PTPRC: variants seen among roughly 807,000 people sequenced by gnomAD.
The protein encoded by PTPRC is protein tyrosine phosphatase receptor type C.
Under a neutral mutation model 155.9 loss-of-function variants are expected in PTPRC, and 44 were observed. That is an observed-to-expected ratio of 0.28 (90% CI 0.22 to 0.36). The LOEUF is 0.36. Ranked by LOEUF, PTPRC falls within the 10% of genes least tolerant of loss-of-function variation. The pLI, the probability that PTPRC is intolerant of heterozygous loss-of-function variation, is 1.00. For synonymous variants in PTPRC, 525 were observed against 533.1 expected, an observed-to-expected ratio of 0.98 and a Z score of 0.21; for missense variants, 1,401 against 1,564.6, an observed-to-expected ratio of 0.90 and a Z score of 1.76.
chr1:198,754,730 C>A (rs1459363252), intron 32 of PTPRC, among the ~76,000 whole-genome samples: 1 of 152,048 alleles, frequency 6.6e-6, no homozygotes, highest in Non-Finnish European at 1.5e-5. Context: ...TAACAAACCA[C>A]CCCCAAATTT....
chr1:198,719,703 C>T (rs1360534460), intron 14 of PTPRC, among the ~76,000 whole-genome samples: 3 of 151,772 alleles, frequency 2.0e-5, no homozygotes, highest in South Asian at 2.1e-4. Flanking sequence ...CTCCGCCTCC[C>T]GGGTTCAAAT....
intron 2 of PTPRC, among the ~76,000 whole-genome samples, chr1:198,685,456 T>C (rs1218358920): frequency 6.6e-6 from 1 of 152,002 alleles, no homozygotes; most frequent in African/African-American, 2.4e-5. Context: ...GCCATCATTA[T>C]TATATTTACT....
chr1:198,680,709 A>G (rs1403177480), intron 2 of PTPRC, among the ~76,000 whole-genome samples: 1 of 152,068 alleles, frequency 6.6e-6, no homozygotes, highest in East Asian at 1.9e-4. Context: ...GAAATAGGAC[A>G]TGATAAGTAC....
At chr1:198,702,659 T>C in intron 6 of PTPRC, 129 bp downstream of exon 6, 1 of 1,242,514 alleles carries the variant, frequency 8.0e-7, no homozygotes, top group South Asian at 1.2e-5. Flanking sequence ...AATGTTCACG[T>C]ATCAACACCA....
intron 2 of PTPRC, chr1:198,679,721 G>A (rs933710949): frequency 2.1e-5 from 8 of 388,202 alleles, no homozygotes; most frequent in Non-Finnish European, 3.9e-5. Context: ...CCGGAGGCCC[G>A]AGCCCACGTA....
At chr1:198,714,221 A>G (rs1449451740) in intron 12 of PTPRC, among the ~76,000 whole-genome samples, 4 of 151,794 alleles carry the variant, frequency 2.6e-5, no homozygotes, top group East Asian at 1.9e-4. Context: ...TGAATCTTCT[A>G]TTCACTATCC....
chr1:198,700,453 A>G (rs1439245700), intron 5 of PTPRC, among the ~76,000 whole-genome samples: 3 of 152,220 alleles, frequency 2.0e-5, no homozygotes. Context: ...AAACACATCA[A>G]ATAGAATAAT....
chr1:198,720,062 T>C (rs1160647147), intron 14 of PTPRC, among the ~76,000 whole-genome samples: 1 of 152,170 alleles, frequency 6.6e-6, no homozygotes, highest in East Asian at 1.9e-4. Context: ...TTAGTTTAAA[T>C]GATGCAAAAC....
intron 15 of PTPRC, among the ~76,000 whole-genome samples, chr1:198,726,222 C>T (rs1195342900): frequency 6.6e-6 from 1 of 152,086 alleles, no homozygotes; most frequent in Non-Finnish European, 1.5e-5. Context: ...GGTTTTTATT[C>T]ACAAAATCTG....
intron 2 of PTPRC, among the ~76,000 whole-genome samples, chr1:198,661,498 A>C (rs185249995): frequency 4.6e-5 from 7 of 151,816 alleles, no homozygotes; most frequent in African/African-American, 1.7e-4. Flanking sequence ...AATATTCTCT[A>C]TCTGTTGTAA....
rs748901652 is a variant in PTPRC, at chr1:198,639,360, A to G, written c.73+19A>G. 8 of 1,551,894 alleles carry G rather than the reference A, an allele frequency of 5.2e-6. No individual in the cohort carries two copies. Among genetic ancestry groups the G allele is most frequent in the African/African-American group, 2.7e-5 (2 of 73,116 alleles). ...GTGACAGGTAAGTACAAGGATATTA[A>G]TATTTTTTAAATTATTTTTTCTCTT... On this transcript the variant is annotated intron_variant, in intron 2 of 32. Coordinates refer to ENST00000442510, the MANE Select transcript of PTPRC (RefSeq NM_002838.5).
intron 12 of PTPRC, among the ~76,000 whole-genome samples, chr1:198,714,484 T>C (rs1653469070): frequency 6.6e-6 from 1 of 152,156 alleles, no homozygotes; most frequent in South Asian, 2.1e-4. Flanking sequence ...GCTGTCCACA[T>C]AGAACACTTA....
intron 2 of PTPRC, among the ~76,000 whole-genome samples, chr1:198,655,437 G>A (rs182752719): frequency 1.0e-3 from 154 of 152,106 alleles, no homozygotes; most frequent in Non-Finnish European, 1.9e-3. Context: ...CAAAAATGAG[G>A]GAACTTGGTC....
At chr1:198,725,254 T>C (rs1193203802) in intron 15 of PTPRC, among the ~76,000 whole-genome samples, 4 of 152,234 alleles carry the variant, frequency 2.6e-5, no homozygotes, top group African/African-American at 9.6e-5. Context: ...TATTTTGGCA[T>C]TCCCCTTTGG....
intron 15 of PTPRC, among the ~76,000 whole-genome samples, chr1:198,723,809 T>C (rs1024098090): frequency 6.6e-6 from 1 of 152,192 alleles, no homozygotes; most frequent in Non-Finnish European, 1.5e-5. Flanking sequence ...CTTATGACAC[T>C]CTCAAAGACA....
intron 2 of PTPRC, among the ~76,000 whole-genome samples, chr1:198,687,299 T>A (rs993972114): frequency 1.3e-5 from 2 of 152,162 alleles, no homozygotes; most frequent in Non-Finnish European, 2.9e-5. Context: ...ACCAATCTCA[T>A]CAGGTCTTTT....
intron 3 of PTPRC, chr1:198,694,312 A>G (rs1183827322): frequency 3.5e-5 from 6 of 169,736 alleles, no homozygotes; most frequent in African/African-American, 7.4e-5. Flanking sequence ...ATGCCCACTC[A>G]TATTGGGTGG....
rs1655661480 is a variant in PTPRC, at chr1:198,756,341, A to ATAGTT, written c.*162_*166dup. Reference sequence around the variant, plus strand: ...TTACTACTGTGGAAAAATATTTAAGATAGTTTTGCCAGAACAGTTTGTACA... The same window carrying ATAGTT: ...TTACTACTGTGGAAAAATATTTAAGATAGTTTAGTTTTGCCAGAACAGTTTGTACA... On this transcript the variant is annotated 3_prime_UTR_variant, in exon 33 of 33. Transcript: ENST00000442510. The ATAGTT allele has an allele frequency of 1.0e-6, 1 of 997,942 alleles. No individual in the cohort carries two copies. The highest frequency in any genetic ancestry group is 2.6e-5 in the Admixed American group (1 of 38,824). 61.8% of individuals were successfully genotyped at this position (997,942 alleles called of 1,614,324 possible).
At chr1:198,648,984 C>T (rs1325841304) in intron 2 of PTPRC, among the ~76,000 whole-genome samples, 1 of 151,644 alleles carries the variant, frequency 6.6e-6, no homozygotes, top group African/African-American at 2.4e-5. Flanking sequence ...TCATGGAAAA[C>T]ACATAAGGTT....
Sources: allele counts gnomAD v4.1 joint callset (sites outside exome capture counted in the v4.1 genomes callset), GRCh38; gene constraint gnomAD v4.1.1; transcripts MANE v1.5; gene names NCBI Gene and HGNC (gene_info 2026-07-23, HGNC 2026-07-21).